The following LIPC variants were observed in gnomAD, a reference collection of about 807,000 sequenced individuals.
LIPC encodes lipase C, hepatic type.
In LIPC, 44 loss-of-function variants were observed where a neutral mutation model predicts 50.7. The ratio of observed to expected loss-of-function variants is 0.87; its 90% CI spans 0.68 to 1.11. The LOEUF (loss-of-function observed/expected upper bound fraction) is 1.11. Ranked by LOEUF, LIPC falls within the 50% of genes most tolerant of loss-of-function variation. LIPC has a pLI of 0.00. For synonymous variants in LIPC, 271 were observed against 256.4 expected (o/e 1.06, Z -0.54); for missense variants, 697 against 648.2 (o/e 1.08, Z -0.82).
chr15:58,516,066 A>G (rs1892477300), intron 1 of LIPC, among the ~76,000 whole-genome samples: 1 of 152,100 alleles, frequency 6.6e-6, no homozygotes, highest in South Asian at 2.1e-4. Flanking sequence ...TTCCATCCCA[A>G]CATCTACCAA....
At chr15:58,558,631 A>ACGTGCTAGAGATCTAGGTTGCATGCTCC (rs562955063) in intron 6 of LIPC, among the ~76,000 whole-genome samples, 1 of 151,686 alleles carries the variant, frequency 6.6e-6, no homozygotes, top group Non-Finnish European at 1.5e-5. Flanking sequence ...ATTGTGAACT[A>ACGTGCTAGAGATCTAGGTTGCATGCTCC]TTATGAGAAT....
intron 1 of LIPC, among the ~76,000 whole-genome samples, chr15:58,512,278 T>C (rs1325591112): frequency 6.6e-6 from 1 of 152,106 alleles, no homozygotes; most frequent in African/African-American, 2.4e-5. Flanking sequence ...TTTGTATTTT[T>C]AGTAGAGATG....
At chr15:58,494,897 C>T (rs1891714573) in intron 1 of LIPC, 1 of 456,016 alleles carries the variant, frequency 2.2e-6, no homozygotes, top group South Asian at 1.5e-5. Context: ...TTTTGATTGA[C>T]AATACAAAAT....
At chr15:58,557,188 C>A (rs35631005) in intron 6 of LIPC, among the ~76,000 whole-genome samples, 1 of 152,048 alleles carries the variant, frequency 6.6e-6, no homozygotes, top group African/African-American at 2.4e-5. Flanking sequence ...CAGCCATATA[C>A]GACTTACTAG....
rs1440551958 is a variant in LIPC at position 58,560,911 on chromosome 15, C to T, written c.1099C>T (p.Pro367Ser). ...CCAGTTCATCAACCAAACTGAGACACCAATACAAACAACTTTTACCATGTC... is the reference window on the plus strand; with the variant it reads ...CCAGTTCATCAACCAAACTGAGACATCAATACAAACAACTTTTACCATGTC... ...KIQFINQTET[P>S]IQTTFTMSLL... Residue 367 changes from proline to serine, a missense_variant, in exon 7 of 9, where the codon CCA becomes TCA. By Grantham distance (74) the Pro-to-Ser change is moderately conservative. Transcript: ENST00000299022. The T allele has an allele frequency of 6.5e-7, 1 of 1,544,782 alleles. No homozygotes were observed. The highest frequency in any genetic ancestry group is 1.4e-5 in the African/African-American group (1 of 73,872).
intron 6 of LIPC, among the ~76,000 whole-genome samples, chr15:58,553,827 T>C (rs1010762772): frequency 2.0e-4 from 30 of 152,158 alleles, no homozygotes; most frequent in African/African-American, 7.0e-4. Flanking sequence ...CTGCCTTCTT[T>C]GGGCAGCAAC....
intron 1 of LIPC, among the ~76,000 whole-genome samples, chr15:58,496,321 A>G (rs1359120516): frequency 1.3e-5 from 2 of 152,172 alleles, no homozygotes; most frequent in African/African-American, 4.8e-5. Context: ...TCTGAAGTTG[A>G]GAGATCCATT....
chr15:58,513,380 T>C (rs1262863442), intron 1 of LIPC, among the ~76,000 whole-genome samples: 1 of 152,164 alleles, frequency 6.6e-6, no homozygotes, highest in Admixed American at 6.5e-5. Flanking sequence ...TCCAAGCACT[T>C]TGATGATCAG....
At chr15:58,534,035 G>A (rs80051335) in intron 1 of LIPC, among the ~76,000 whole-genome samples, 4 of 152,152 alleles carry the variant, frequency 2.6e-5, no homozygotes. Flanking sequence ...TGGTGACCCA[G>A]TAGAGAGGCA....
chr15:58,449,285 C>T (rs900663488), intron 1 of LIPC, among the ~76,000 whole-genome samples: 9 of 152,180 alleles, frequency 5.9e-5, no homozygotes, highest in Non-Finnish European at 1.2e-4. Context: ...ACTCTATGCT[C>T]ATTGGGTTGT....
intron 1 of LIPC, among the ~76,000 whole-genome samples, chr15:58,469,102 TTGTGTGTGTGTGTGTG>T (rs56309142): frequency 7.1e-6 from 1 of 140,622 alleles, no homozygotes; most frequent in Non-Finnish European, 1.5e-5. Context: ...AGGGAACATT[TTGTGTGTGTGTGTGTG>T]TGTGTGTGTG....
At chr15:58,502,683 C>T (rs560319904) in intron 1 of LIPC, among the ~76,000 whole-genome samples, 2 of 152,186 alleles carry the variant, frequency 1.3e-5, no homozygotes, top group East Asian at 3.9e-4. Context: ...TGTGTGAGAA[C>T]TGGGGGAATA....
intron 1 of LIPC, among the ~76,000 whole-genome samples, chr15:58,453,664 G>A (rs752084085): frequency 3.9e-5 from 6 of 152,012 alleles, no homozygotes; most frequent in Non-Finnish European, 8.8e-5. Context: ...ACTTTGGGAG[G>A]CCGAGGCAGG....
intron 1 of LIPC, among the ~76,000 whole-genome samples, chr15:58,534,933 TTC>T (rs1295778715): frequency 6.6e-6 from 1 of 152,198 alleles, no homozygotes; most frequent in African/African-American, 2.4e-5. Context: ...CACCCAGTGA[TTC>T]TGTTTGTTTC....
intron 7 of LIPC, among the ~76,000 whole-genome samples, chr15:58,562,806 C>T (rs992244451): frequency 3.3e-5 from 2 of 60,614 alleles, no homozygotes; most frequent in Admixed American, 1.6e-4. Flanking sequence ...ACACAAGGGA[C>T]CCCCCCCCAA....
intron 1 of LIPC, among the ~76,000 whole-genome samples, chr15:58,508,975 AT>A (rs1892250186): frequency 6.6e-6 from 1 of 152,144 alleles, no homozygotes. Flanking sequence ...ATCCCAATGT[AT>A]TTGTCCTGTA....
intron 1 of LIPC, among the ~76,000 whole-genome samples, chr15:58,502,117 GGAGT>G (rs1257465636): frequency 6.6e-6 from 1 of 152,128 alleles, no homozygotes; most frequent in Non-Finnish European, 1.5e-5. Context: ...AGCCTTGCAC[GGAGT>G]TAGTGACACT....
At chr15:58,532,524 T>C (rs4503731) in intron 1 of LIPC, among the ~76,000 whole-genome samples, 150,415 of 152,328 alleles carry the variant, frequency 0.99, 74,294 homozygotes, top group Middle Eastern at 1. Flanking sequence ...AAAGCCCCCC[T>C]ACACACACAT....
chr15:58,541,612 T>C (rs142281111), intron 2 of LIPC, 173 bp from the exon 3 acceptor site: 4 of 694,462 alleles, frequency 5.8e-6, no homozygotes, highest in Non-Finnish European at 1.0e-5. Context: ...CATCGTACAA[T>C]GCCCAAGACA....
Sources: allele counts gnomAD v4.1 joint callset (sites outside exome capture counted in the v4.1 genomes callset), GRCh38; gene constraint gnomAD v4.1.1; transcripts MANE v1.5; gene names NCBI Gene and HGNC (gene_info 2026-07-23, HGNC 2026-07-21).